Variants in SGPP2 observed in about 807,000 individuals in gnomAD.
SGPP2 encodes sphingosine-1-phosphate phosphatase 2, also known as sphingosine 1-phosphate phosphohydrolase 2.
In SGPP2, 30 loss-of-function variants were observed where a neutral mutation model predicts 33.9. The observed-to-expected ratio is 0.89, with a 90% confidence interval of 0.66 to 1.20. The LOEUF (loss-of-function observed/expected upper bound fraction) is 1.20. SGPP2 is among the 50% of genes most tolerant of loss of function. The pLI, the probability that SGPP2 is intolerant of heterozygous loss-of-function variation, is 0.00. For synonymous variants in SGPP2, 233 were observed against 225.0 expected, an observed-to-expected ratio of 1.04 and a Z score of -0.32; for missense variants, 458 against 532.1, an observed-to-expected ratio of 0.86 and a Z score of 1.37.
intron 4 of SGPP2, among the ~76,000 whole-genome samples, chr2:222,529,681 G>A (rs1296791403): frequency 2.6e-5 from 4 of 152,038 alleles, no homozygotes; most frequent in East Asian, 3.9e-4. Context: ...CATTGAAGTC[G>A]TAACCCCCTC....
intron 1 of SGPP2, among the ~76,000 whole-genome samples, chr2:222,466,033 C>T (rs1036800676): frequency 6.6e-6 from 1 of 152,196 alleles, no homozygotes; most frequent in Admixed American, 6.5e-5. Flanking sequence ...GTGGCTCATG[C>T]CTGAAATCCC....
chr2:222,455,784 G>A (rs1199709733), intron 1 of SGPP2, among the ~76,000 whole-genome samples: 8 of 152,210 alleles, frequency 5.3e-5, no homozygotes, highest in African/African-American at 1.9e-4. Context: ...AACTCGGCTA[G>A]GTGCAGTGGT....
At chr2:222,542,667 A>G (rs532671814) in intron 4 of SGPP2, among the ~76,000 whole-genome samples, 3 of 152,062 alleles carry the variant, frequency 2.0e-5, no homozygotes, top group East Asian at 3.9e-4. Context: ...TTCATTTTGT[A>G]TGTTCATTGG....
Position 222,561,102 on chromosome 2 carries a change from C to CAA in SGPP2, c.*2218_*2219dup, listed in dbSNP as rs200271785. ...CCTGGGCGACAGAGCGAGACTCTCT[C>CAA]AAAAAAAAAAAAAAAGAATTTTTAG... On this transcript the variant is annotated 3_prime_UTR_variant, in exon 5 of 5. Transcript: ENST00000321276. 0.036 allele frequency among the ~76,000 whole-genome samples: 4,423 copies of CAA among 121,948 alleles called. 109 individuals carry two copies. The highest frequency in any genetic ancestry group is 0.081 in the African/African-American group (2,608 of 32,330). The allele number at this position is 121,948 out of a possible 152,430, so 80.0% of individuals were successfully genotyped here.
intron 2 of SGPP2, among the ~76,000 whole-genome samples, chr2:222,481,871 A>G (rs1206656293): frequency 6.6e-6 from 1 of 152,198 alleles, no homozygotes; most frequent in African/African-American, 2.4e-5. Flanking sequence ...CCTAACATCA[A>G]AAGACATATT....
At chr2:222,431,605 A>T (rs1361155084) in intron 1 of SGPP2, among the ~76,000 whole-genome samples, 4 of 152,168 alleles carry the variant, frequency 2.6e-5, no homozygotes, top group Non-Finnish European at 5.9e-5. Flanking sequence ...ACATGGGAGG[A>T]TGAAGCATCT....
chr2:222,424,841 C>T lies in SGPP2; in HGVS notation c.219+20C>T, dbSNP rs1697035965. 7.5e-7 allele frequency: 1 copy of T among 1,328,356 alleles called. No homozygotes were observed. Among genetic ancestry groups the T allele is most frequent in the South Asian group, 2.0e-5 (1 of 50,734 alleles). The allele number at this position is 1,328,356 out of a possible 1,614,324, so 82.3% of individuals were successfully genotyped here. A position where few individuals can be genotyped will look rare whatever the true frequency, so the allele number is the denominator to read the frequency against. The stretch of plus-strand genomic sequence containing the variant: ...CCGGAGGTAACCATGGGCAGGTGTT[C>T]GCCGGGTACGGGGAGGGGGCGGCTG... On this transcript the variant is annotated intron_variant, in intron 1 of 4. Transcript: ENST00000321276.
intron 2 of SGPP2, among the ~76,000 whole-genome samples, chr2:222,485,422 C>G (rs1307683331): frequency 6.6e-6 from 1 of 152,156 alleles, no homozygotes; most frequent in African/African-American, 2.4e-5. Context: ...CTCGAAAGGC[C>G]AGAGCATCAC....
intron 1 of SGPP2, among the ~76,000 whole-genome samples, chr2:222,433,473 G>A (rs1367619718): frequency 6.6e-6 from 1 of 152,180 alleles, no homozygotes; most frequent in East Asian, 1.9e-4. Context: ...AATGGGGAGA[G>A]GAAGTTAGAT....
intron 4 of SGPP2, 78 bp from the exon 5 acceptor site, chr2:222,558,269 C>A (rs180903322): frequency 3.5e-6 from 5 of 1,410,352 alleles, no homozygotes; most frequent in East Asian, 4.6e-5. Flanking sequence ...ATCAAATTAG[C>A]CATACTTGAT....
At chr2:222,473,848 C>T (rs1697887612) in intron 1 of SGPP2, among the ~76,000 whole-genome samples, 1 of 147,710 alleles carries the variant, frequency 6.8e-6, no homozygotes, top group Non-Finnish European at 1.5e-5. Context: ...CACTTGAACC[C>T]AGGAGGCGGA....
At chr2:222,441,658 G>A (rs1047380877) in intron 1 of SGPP2, among the ~76,000 whole-genome samples, 7 of 151,996 alleles carry the variant, frequency 4.6e-5, no homozygotes, top group African/African-American at 1.4e-4. Flanking sequence ...GTAATTTTCT[G>A]TATACTCTGC....
At position 222,549,264 on chromosome 2, in the gene SGPP2, G is replaced by C. The variant is rs565680108; in HGVS notation, c.649-9083G>C. On this transcript the variant is annotated intron_variant, in intron 4 of 4. Transcript: ENST00000321276. The stretch of plus-strand genomic sequence containing the variant: ...TTCTCTCCCTTTCTTTCTCACTAGC[G>C]CTAACCTTGTGTTGTGTTGGCCTGT... Among the ~76,000 whole-genome samples, 414 of 152,306 alleles carry C rather than the reference G, an allele frequency of 2.7e-3. 3 individuals carry two copies. Among genetic ancestry groups the C allele is most frequent in the African/African-American group, 9.2e-3 (381 of 41,568 alleles).
At chr2:222,536,569 A>G (rs899335633) in intron 4 of SGPP2, among the ~76,000 whole-genome samples, 1 of 152,148 alleles carries the variant, frequency 6.6e-6, no homozygotes, top group African/African-American at 2.4e-5. Flanking sequence ...AGTCCCAGCT[A>G]CTCGGGAGGA....
At position 222,559,159 on chromosome 2, in the gene SGPP2, G is replaced by GCCACCCC. The variant is rs1306968136; in HGVS notation, c.*262_*263insCACCCCC. The GCCACCCC allele has an allele frequency of 7.8e-5, 2 of 25,546 alleles. No individual in the cohort carries two copies. The highest frequency in any genetic ancestry group is 5.1e-4 in the African/African-American group (2 of 3,936). The allele number at this position is 25,546 out of a possible 1,614,324, so 1.6% of individuals were successfully genotyped here. ...ATCCGGATCTTTAAAGGCACACACC[G>GCCACCCC]CGCCCCCCCCCCCCCCGCCCGGCCC... is the stretch of plus-strand genomic sequence containing the variant. On this transcript the variant is annotated 3_prime_UTR_variant, in exon 5 of 5. Coordinates refer to ENST00000321276, the MANE Select transcript of SGPP2 (RefSeq NM_152386.4).
intron 4 of SGPP2, among the ~76,000 whole-genome samples, chr2:222,540,369 G>A (rs1698973653): frequency 6.6e-6 from 1 of 152,128 alleles, no homozygotes; most frequent in Non-Finnish European, 1.5e-5. Context: ...AAAAAGTGTT[G>A]GATTTTGGGC....
At chr2:222,497,274 A>G (rs1466625802) in intron 2 of SGPP2, among the ~76,000 whole-genome samples, 3 of 106,122 alleles carry the variant, frequency 2.8e-5, no homozygotes, top group Non-Finnish European at 5.8e-5. Flanking sequence ...TTTTTTTTAG[A>G]CGGAGTCTTG....
At chr2:222,552,424 T>C (rs1689308408) in intron 4 of SGPP2, among the ~76,000 whole-genome samples, 2 of 152,146 alleles carry the variant, frequency 1.3e-5, no homozygotes, top group South Asian at 4.1e-4. Context: ...AAGGTGGTAT[T>C]GCATTATGGT....
In SGPP2 at chr2:222,559,037, T is replaced by C; in HGVS notation, c.*139T>C. On this transcript the variant is annotated 3_prime_UTR_variant, in exon 5 of 5. Coordinates refer to ENST00000321276, the MANE Select transcript of SGPP2 (RefSeq NM_152386.4). ...GGCTGTCTTGCTACTACCAGATAAA[T>C]GATGCTGCTGTGTGAAAGGAAGAAC... 1.3e-6 allele frequency: 1 copy of C among 765,100 alleles called. No homozygotes were observed. Among genetic ancestry groups the C allele is most frequent in the South Asian group, 1.9e-5 (1 of 53,024 alleles). The allele number at this position is 765,100 out of a possible 1,614,324, so 47.4% of individuals were successfully genotyped here.
Sources: gnomAD v4.1 joint callset for allele counts (sites outside exome capture counted in the v4.1 genomes callset) on GRCh38, gnomAD v4.1.1 for gene constraint, MANE v1.5 for transcripts, NCBI Gene and HGNC (gene_info 2026-07-23, HGNC 2026-07-21) for gene names.